RAD23B: variants seen among roughly 807,000 people sequenced by gnomAD.
RAD23B encodes RAD23 nucleotide excision repair protein B, also known as lysine-specific demethylase RAD23B.
In RAD23B, 5 loss-of-function variants were observed where a neutral mutation model predicts 49.1. The observed-to-expected ratio is 0.10, with a 90% confidence interval of 0.05 to 0.21. The LOEUF (loss-of-function observed/expected upper bound fraction) is 0.21, where lower values mean the gene tolerates loss of function less well. Among genes scored for constraint, RAD23B ranks in the 10% least tolerant of loss-of-function variants. RAD23B has a pLI of 1.00. For synonymous variants in RAD23B, 184 were observed against 165.4 expected (o/e 1.11, Z -0.86); for missense variants, 356 against 486.7 (o/e 0.73, Z 2.53).
rs963392849 is a variant in RAD23B at position 107,330,526 on chromosome 9, C to T, written c.*870C>T. 1 of 152,632 alleles carries T rather than the reference C, an allele frequency of 6.6e-6. No individual in the cohort carries two copies. The highest frequency in any genetic ancestry group is 2.4e-5 in the African/African-American group (1 of 41,436). 9.5% of individuals were successfully genotyped at this position (152,632 alleles called of 1,614,324 possible). A position where few individuals can be genotyped will look rare whatever the true frequency, so the allele number is the denominator to read the frequency against. On this transcript the variant is annotated 3_prime_UTR_variant, in exon 10 of 10. Transcript: ENST00000358015. The surrounding 1 kb of genome is among the most constrained non-coding windows in gnomAD (Gnocchi z 4.4). ...CCAATGGAGAAATGCAGCATTCACT[C>T]TCCCTGTCTTTTCCCCTTCCCTCAG...
intron 1 of RAD23B, among the ~76,000 whole-genome samples, chr9:107,296,228 A>G (rs1826516600): frequency 6.6e-6 from 1 of 152,218 alleles, no homozygotes; most frequent in South Asian, 2.1e-4. Flanking sequence ...TTTTCTTTGA[A>G]GTGATACTGT....
In RAD23B at chr9:107,283,292, GGCGGCCACCATCCT is replaced by G. The variant is rs1833193023; in HGVS notation, c.-336_-323del. The G allele has an allele frequency of 2.5e-6, 1 of 403,368 alleles. No individual in the cohort carries two copies. The highest frequency in any genetic ancestry group is 2.1e-5 in the African/African-American group (1 of 48,642). 25.0% of individuals were successfully genotyped at this position (403,368 alleles called of 1,614,324 possible). A position where few individuals can be genotyped will look rare whatever the true frequency, so the allele number is the denominator to read the frequency against. ...GCACGTCTCGGCGAGTCACGATGAT[GGCGGCCACCATCCT>G]GTGGTGAGCTAGCGGATTCCCTGCT... is the stretch of plus-strand genomic sequence containing the variant. On this transcript the variant is annotated 5_prime_UTR_variant, in exon 1 of 10. The change creates a premature stop within an existing upstream ORF in the 5' untranslated region. Transcript: ENST00000358015.
intron 3 of RAD23B, among the ~76,000 whole-genome samples, chr9:107,306,045 T>TTATATATATATATATATATATATATATA (rs1374828264): frequency 3.7e-5 from 1 of 26,800 alleles, no homozygotes; most frequent in African/African-American, 1.3e-4. Context: ...ATGATACGGT[T>TTATATATATATATATATATATATATATA]TATATCTATA....
chr9:107,315,517 TG>T (rs1275673022), intron 5 of RAD23B, among the ~76,000 whole-genome samples: 1 of 152,166 alleles, frequency 6.6e-6, no homozygotes, highest in Non-Finnish European at 1.5e-5. Flanking sequence ...TTTTTTGTTT[TG>T]TTTTGTTTTG....
chr9:107,293,629 A>G (rs1390248269), intron 1 of RAD23B, among the ~76,000 whole-genome samples: 1 of 152,186 alleles, frequency 6.6e-6, no homozygotes, highest in Non-Finnish European at 1.5e-5. Context: ...TGGAATATGC[A>G]ATTGCTGACC....
chr9:107,289,813 A>C (rs1833346753), intron 1 of RAD23B, among the ~76,000 whole-genome samples: 1 of 152,200 alleles, frequency 6.6e-6, no homozygotes, highest in Non-Finnish European at 1.5e-5. Flanking sequence ...AGTGCTTGGC[A>C]ATGTGGTACC....
rs1477607652 is a variant in RAD23B at position 107,283,354 on chromosome 9, C to T, written c.-276C>T. Reference sequence around the variant, plus strand: ...GCTTGTCTCGCCGACCCCCTCGCGCCTTCTGCAGACTCCGTGGCTGGCGCT... The same window carrying T: ...GCTTGTCTCGCCGACCCCCTCGCGCTTTCTGCAGACTCCGTGGCTGGCGCT... On this transcript the variant is annotated 5_prime_UTR_variant, in exon 1 of 10. Coordinates refer to ENST00000358015, the MANE Select transcript of RAD23B (RefSeq NM_002874.5). 9.5e-6 allele frequency: 4 copies of T among 422,814 alleles called. No homozygotes were observed. The highest frequency in any genetic ancestry group is 2.1e-5 in the African/African-American group (1 of 48,722). The allele number at this position is 422,814 out of a possible 1,614,324, so 26.2% of individuals were successfully genotyped here. A position where few individuals can be genotyped will look rare whatever the true frequency, so the allele number is the denominator to read the frequency against.
chr9:107,323,000 C>T (rs1160818022), intron 7 of RAD23B, among the ~76,000 whole-genome samples: 1 of 152,158 alleles, frequency 6.6e-6, no homozygotes, highest in Non-Finnish European at 1.5e-5. Context: ...GAACAAAAAA[C>T]CCATGTGCTG....
chr9:107,289,610 G>A (rs994564229), intron 1 of RAD23B, among the ~76,000 whole-genome samples: 9 of 152,146 alleles, frequency 5.9e-5, no homozygotes, highest in African/African-American at 2.2e-4. Context: ...CTTGAACCAG[G>A]GCAGTAGGAG....
At chr9:107,326,405 C>T (rs111679462) in intron 9 of RAD23B, among the ~76,000 whole-genome samples, 13,652 of 147,348 alleles carry the variant, frequency 0.093, 813 homozygotes, top group Non-Finnish European at 0.13. Context: ...GGCGTGAACC[C>T]GGGAGGCGGA....
intron 3 of RAD23B, among the ~76,000 whole-genome samples, chr9:107,303,258 G>A (rs1401398109): frequency 3.9e-5 from 6 of 152,122 alleles, no homozygotes; most frequent in Non-Finnish European, 8.8e-5. Flanking sequence ...AAGGCCAAAA[G>A]TGGATTAAAT....
chr9:107,304,974 A>C (rs748899713), intron 3 of RAD23B, among the ~76,000 whole-genome samples: 3 of 152,210 alleles, frequency 2.0e-5, no homozygotes, highest in Non-Finnish European at 2.9e-5. Context: ...ATACTGTATT[A>C]AAGTAAGCTA....
intron 8 of RAD23B, among the ~76,000 whole-genome samples, 172 bp from the exon 9 acceptor site, chr9:107,324,662 T>G (rs902556469): frequency 6.6e-6 from 1 of 152,222 alleles, no homozygotes; most frequent in African/African-American, 2.4e-5. Flanking sequence ...GTACTGAATT[T>G]CTTTACTATT....
At chr9:107,305,807 C>T (rs904820507) in intron 3 of RAD23B, among the ~76,000 whole-genome samples, 2 of 151,712 alleles carry the variant, frequency 1.3e-5, no homozygotes, top group Non-Finnish European at 2.9e-5. Flanking sequence ...TTTATACTGC[C>T]ATTTCAAGAA....
chr9:107,295,891 A>G (rs921707654), intron 1 of RAD23B, among the ~76,000 whole-genome samples: 3 of 152,134 alleles, frequency 2.0e-5, no homozygotes, highest in African/African-American at 7.2e-5. Flanking sequence ...GAGCAGCAGA[A>G]AGACAAGGAA....
intron 3 of RAD23B, among the ~76,000 whole-genome samples, chr9:107,305,134 A>C (rs1007721278): frequency 4.6e-5 from 7 of 152,020 alleles, no homozygotes; most frequent in African/African-American, 1.4e-4. Flanking sequence ...ACAAAAAAAA[A>C]AAATACAAAA....
chr9:107,320,980 T>G (rs1309217870), intron 6 of RAD23B, among the ~76,000 whole-genome samples: 1 of 152,212 alleles, frequency 6.6e-6, no homozygotes, highest in East Asian at 1.9e-4. Context: ...TTGTAATACT[T>G]GGTTCTTTAT....
chr9:107,331,657 C>G lies in RAD23B; in HGVS notation c.*2001C>G. 1 of 771,208 alleles carries G rather than the reference C, an allele frequency of 1.3e-6. No homozygotes were observed. 47.8% of individuals were successfully genotyped at this position (771,208 alleles called of 1,614,324 possible). A position where few individuals can be genotyped will look rare whatever the true frequency, so the allele number is the denominator to read the frequency against. On this transcript the variant is annotated 3_prime_UTR_variant, in exon 10 of 10. Transcript: ENST00000358015. ...ACTCTCATTTATTTTATGACATTCT[C>G]TGTCTACTCAGATCATAGTGAAAAC...
chr9:107,289,158 CCCTTCCTTCCCCACTCCTTTCCCTT>C (rs1304835369), intron 1 of RAD23B, among the ~76,000 whole-genome samples: 2 of 142,912 alleles, frequency 1.4e-5, no homozygotes, highest in African/African-American at 5.1e-5. Context: ...CTCCTTTCCT[CCCTTCCTTCCCCACTCCTTTCCCTT>C]CCTTCCTTCC....
Sources: gnomAD v4.1 joint callset for allele counts (sites outside exome capture counted in the v4.1 genomes callset) on GRCh38, gnomAD v4.1.1 for gene constraint, Gnocchi (gnomAD v3.1) non-coding constraint, MANE v1.5 for transcripts, NCBI Gene and HGNC (gene_info 2026-07-23, HGNC 2026-07-21) for gene names.